BIRC6: variants seen among roughly 807,000 people sequenced by gnomAD.
BIRC6 encodes dual E2 ubiquitin-conjugating enzyme/E3 ubiquitin-protein ligase BIRC6.
Under a neutral mutation model 503.3 loss-of-function variants are expected in BIRC6, and 98 were observed. That is an observed-to-expected ratio of 0.19 (90% CI 0.17 to 0.23). The LOEUF (loss-of-function observed/expected upper bound fraction) is 0.23. Among genes scored for constraint, BIRC6 ranks in the 10% least tolerant of loss-of-function variants. BIRC6 has a pLI of 1.00. For missense variants in BIRC6, 5,360 were observed against 5,806.0 expected, an observed-to-expected ratio of 0.92 and a Z score of 2.50; for synonymous variants, 2,240 against 2,078.7, an observed-to-expected ratio of 1.08 and a Z score of -2.11.
At chr2:32,615,182 A>G (rs1292101521) in intron 73 of BIRC6, among the ~76,000 whole-genome samples, 1 of 152,188 alleles carries the variant, frequency 6.6e-6, no homozygotes, top group African/African-American at 2.4e-5. Context: ...AACTGTCCCC[A>G]TGATCCCCAT....
chr2:32,408,030 T>G (rs1460701258), intron 9 of BIRC6, among the ~76,000 whole-genome samples: 1 of 151,980 alleles, frequency 6.6e-6, no homozygotes, highest in Non-Finnish European at 1.5e-5. Flanking sequence ...TGCAGTGGTG[T>G]GATCTCAGCT....
intron 66 of BIRC6, among the ~76,000 whole-genome samples, chr2:32,586,914 A>G (rs1184351677): frequency 6.6e-6 from 1 of 152,196 alleles, no homozygotes; most frequent in Non-Finnish European, 1.5e-5. Context: ...ATTTGTTCTC[A>G]GTTCTCTGAT....
intron 59 of BIRC6, chr2:32,529,120 G>A (rs549238033): frequency 1.3e-5 from 2 of 152,300 alleles, no homozygotes; most frequent in East Asian, 3.9e-4. Flanking sequence ...CATGGTGGAG[G>A]CGAACAAACT....
chr2:32,564,207 A>T (rs538629197), intron 65 of BIRC6: 1 of 152,296 alleles, frequency 6.6e-6, no homozygotes, highest in East Asian at 1.9e-4. Context: ...TGAATATTTT[A>T]TGTAAATTGG....
chr2:32,505,240 C>G (rs1292729760), intron 50 of BIRC6, 35 bp downstream of exon 50: 1 of 1,467,952 alleles, frequency 6.8e-7, no homozygotes, highest in South Asian at 1.2e-5. Context: ...ATCATGAGAA[C>G]AAGCTTTAAT....
chr2:32,529,395 A>G, intron 59 of BIRC6: 3 of 340,600 alleles, frequency 8.8e-6, no homozygotes, highest in Non-Finnish European at 1.6e-5. Flanking sequence ...CATCAGATTT[A>G]TGGAAATGTC....
Position 32,515,705 on chromosome 2 carries a change from G to A in BIRC6, c.11284G>A (p.Ala3762Thr). ...TTQQRTAIENATVAFFLQCIS... is the reference protein window; with the variant it reads ...TTQQRTAIENTTVAFFLQCIS... ...TCAACAGCGCACAGCAATTGAGAAT[G>A]CAACTGTTGCGTTCTTTCTACAGTG... The change falls in exon 55 of 74, where the codon GCA becomes ACA. Residue 3762 changes from alanine (A) to threonine (T), a missense_variant. By Grantham distance (58) the Ala-to-Thr change is moderately conservative. Coordinates refer to ENST00000421745, the MANE Select transcript of BIRC6 (RefSeq NM_016252.4). The A allele has an allele frequency of 6.2e-7, 1 of 1,603,128 alleles. No individual in the cohort carries two copies. Among genetic ancestry groups the A allele is most frequent in the South Asian group, 1.1e-5 (1 of 91,088 alleles).
chr2:32,384,346 G>C (rs2038132032), intron 3 of BIRC6, among the ~76,000 whole-genome samples: 1 of 151,924 alleles, frequency 6.6e-6, no homozygotes, highest in Non-Finnish European at 1.5e-5. Flanking sequence ...AGCTTCATCA[G>C]GATGATACAC....
intron 1 of BIRC6, among the ~76,000 whole-genome samples, chr2:32,371,215 CAAAAAAAAAAA>C (rs1179033406): frequency 1.4e-4 from 4 of 28,720 alleles, no homozygotes; most frequent in African/African-American, 4.5e-4. Context: ...GACCCTGTCT[CAAAAAAAAAAA>C]AAAAAAAAAA....
chr2:32,491,768 A>C (rs992583962), intron 44 of BIRC6, among the ~76,000 whole-genome samples: 2 of 152,224 alleles, frequency 1.3e-5, no homozygotes, highest in African/African-American at 4.8e-5. Flanking sequence ...CAGTGATACT[A>C]GGTTTTCATA....
At position 32,453,835 on chromosome 2, in the gene BIRC6, C is replaced by T. The variant is rs745750995; in HGVS notation, c.4646C>T (p.Ala1549Val). Residue 1549 changes from alanine (A) to valine (V), a missense_variant, in exon 23 of 74, where the codon GCT (alanine) becomes GTT (valine). Ala to Val is a moderately conservative substitution (Grantham distance 64). This residue lies in a region of BIRC6 where 2,299 missense variants were observed against 2,267.2 expected (regional missense o/e 1.01). Transcript: ENST00000421745. Reference sequence around the variant, plus strand: ...AATGGAAAGGTCAGTAGTTGCACAGCTGCTGAGGGTAGTTTCACATCTCTC... The same window carrying T: ...AATGGAAAGGTCAGTAGTTGCACAGTTGCTGAGGGTAGTTTCACATCTCTC... ...SGNGKVSSCT[A>V]AEGSFTSLTG... is the part of the protein sequence containing the mutation. 1.2e-6 allele frequency: 2 copies of T among 1,613,718 alleles called. No individual in the cohort carries two copies. The highest frequency in any genetic ancestry group is 3.3e-5 in the Admixed American group (2 of 60,002).
chr2:32,427,390 C>G (rs1294250598), intron 10 of BIRC6, among the ~76,000 whole-genome samples: 1 of 152,050 alleles, frequency 6.6e-6, no homozygotes, highest in African/African-American at 2.4e-5. Flanking sequence ...TCAAGCGATT[C>G]TCCTTCCTCA....
At chr2:32,512,872 C>G (rs1397630574) in intron 53 of BIRC6, 61 bp from the exon 54 acceptor site, 6 of 1,272,146 alleles carry the variant, frequency 4.7e-6, no homozygotes, top group Non-Finnish European at 5.7e-6. Context: ...TGGTATTTAT[C>G]TATATGAAAT....
chr2:32,479,204 G>A (rs879542105), intron 36 of BIRC6, among the ~76,000 whole-genome samples: 15 of 152,130 alleles, frequency 9.9e-5, no homozygotes, highest in African/African-American at 2.9e-4. Flanking sequence ...ATGAATAAGC[G>A]TGTTAATGTA....
Position 32,508,062 on chromosome 2 carries a change from C to A in BIRC6, c.9783C>A (p.Gly3261=). The A allele has an allele frequency of 6.2e-7, 1 of 1,613,822 alleles. No individual in the cohort carries two copies. The highest frequency in any genetic ancestry group is 2.2e-5 in the East Asian group (1 of 44,864). The change falls in exon 51 of 74, where the codon GGC becomes GGA. Residue 3261 remains glycine, a synonymous_variant. Coordinates refer to ENST00000421745, the MANE Select transcript of BIRC6 (RefSeq NM_016252.4). Reference sequence around the variant, plus strand: ...TGTCCACTCCTGTTGTCACAAGTGGCCTCACCTACATAAAAATTCAGCTTG... The same window carrying A: ...TGTCCACTCCTGTTGTCACAAGTGGACTCACCTACATAAAAATTCAGCTTG... ...LPLSTPVVTS[G]LTYIKIQLVK...
At position 32,480,234 on chromosome 2, in the gene BIRC6, G is replaced by A. The variant is rs191301021; in HGVS notation, c.7408+617G>A. On this transcript the variant is annotated intron_variant, in intron 37 of 73. Coordinates refer to ENST00000421745, the MANE Select transcript of BIRC6 (RefSeq NM_016252.4). ...TCGTTATCGAAGGTTCACATAAAGCGTGCCTTTCTCTAAGAGGCTTTTTCT... is the reference window on the plus strand; with the variant it reads ...TCGTTATCGAAGGTTCACATAAAGCATGCCTTTCTCTAAGAGGCTTTTTCT... Among the ~76,000 whole-genome samples, 370 of 152,214 alleles carry A rather than the reference G, an allele frequency of 2.4e-3. 2 individuals carry two copies. Among genetic ancestry groups the A allele is most frequent in the Non-Finnish European group, 2.4e-3 (163 of 68,018 alleles).
At chr2:32,580,057 A>C (rs1181262687) in intron 66 of BIRC6, among the ~76,000 whole-genome samples, 1 of 150,938 alleles carries the variant, frequency 6.6e-6, no homozygotes, top group Admixed American at 6.6e-5. Context: ...GGTTTCAAGC[A>C]ATTCTCTTGC....
At chr2:32,587,190 C>T (rs1216934918) in intron 66 of BIRC6, among the ~76,000 whole-genome samples, 1 of 152,158 alleles carries the variant, frequency 6.6e-6, no homozygotes, top group African/African-American at 2.4e-5. Flanking sequence ...AGATCAAGAC[C>T]AGCCTAGCCA....
At chr2:32,449,557 C>G (rs568836468) in intron 22 of BIRC6, among the ~76,000 whole-genome samples, 1 of 151,894 alleles carries the variant, frequency 6.6e-6, no homozygotes, top group South Asian at 2.1e-4. Context: ...GTACTTATTG[C>G]AGATGTTGTT....
Sources: gnomAD v4.1 joint callset for allele counts (sites outside exome capture counted in the v4.1 genomes callset) on GRCh38, gnomAD v4.1.1 for gene constraint, gnomAD v4.1.1 regional missense constraint, MANE v1.5 for transcripts, NCBI Gene and HGNC (gene_info 2026-07-23, HGNC 2026-07-21) for gene names.